Variants in FBXL20 observed in about 807,000 individuals in gnomAD.
FBXL20 encodes F-box and leucine rich repeat protein 20.
Under a neutral mutation model 64.0 loss-of-function variants are expected in FBXL20, and 11 were observed. That is an observed-to-expected ratio of 0.17 (90% CI 0.11 to 0.28). The LOEUF (loss-of-function observed/expected upper bound fraction) is 0.28, where lower values mean the gene tolerates loss of function less well. Ranked by LOEUF, FBXL20 falls within the 10% of genes least tolerant of loss-of-function variation. The pLI is 1.00. For missense variants in FBXL20, 303 were observed against 526.2 expected, an observed-to-expected ratio of 0.58 and a Z score of 4.15; for synonymous variants, 184 against 189.0, an observed-to-expected ratio of 0.97 and a Z score of 0.22.
intron 6 of FBXL20, among the ~76,000 whole-genome samples, chr17:39,287,029 C>T (rs995367904): frequency 1.6e-4 from 24 of 149,432 alleles, no homozygotes; most frequent in African/African-American, 5.9e-4. Flanking sequence ...TCTCTTGCCT[C>T]AGCCACCCAA....
intron 1 of FBXL20, among the ~76,000 whole-genome samples, chr17:39,367,278 A>G (rs1169002963): frequency 1.3e-5 from 2 of 149,354 alleles, no homozygotes; most frequent in Non-Finnish European, 3.0e-5. Context: ...TAGAATTCCT[A>G]TTAGTCAAAC....
chr17:39,349,086 T>A (rs532905030), intron 1 of FBXL20, among the ~76,000 whole-genome samples: 38 of 151,918 alleles, frequency 2.5e-4, no homozygotes, highest in African/African-American at 8.9e-4. Context: ...ACCCCGTCTC[T>A]ACTAAAAATA....
intron 1 of FBXL20, among the ~76,000 whole-genome samples, chr17:39,380,180 T>G (rs1183960690): frequency 6.6e-6 from 1 of 152,188 alleles, no homozygotes; most frequent in Non-Finnish European, 1.5e-5. Flanking sequence ...CAATATGAGT[T>G]ATATCACGTT....
intron 9 of FBXL20, among the ~76,000 whole-genome samples, chr17:39,281,029 G>A (rs1318654668): frequency 6.6e-6 from 1 of 152,202 alleles, no homozygotes; most frequent in Non-Finnish European, 1.5e-5. Context: ...CTCCCAAAGT[G>A]CTGGGATTAC....
At chr17:39,400,092 TAA>T (rs2048226824) in intron 1 of FBXL20, among the ~76,000 whole-genome samples, 1 of 152,258 alleles carries the variant, frequency 6.6e-6, no homozygotes, top group African/African-American at 2.4e-5. Flanking sequence ...AAACACCAAA[TAA>T]TATATTCCAT....
At chr17:39,318,169 A>C (rs899855779) in intron 2 of FBXL20, among the ~76,000 whole-genome samples, 1 of 152,204 alleles carries the variant, frequency 6.6e-6, no homozygotes, top group African/African-American at 2.4e-5. Flanking sequence ...CAGGAGTTTC[A>C]TTATACCATG....
At position 39,253,822 on chromosome 17, in the gene FBXL20, T is replaced by A. The variant is rs1018095503; in HGVS notation, c.*7638A>T. 1 of 152,128 alleles carries A rather than the reference T, an allele frequency of 6.6e-6. No homozygotes were observed. The highest frequency in any genetic ancestry group is 1.5e-5 in the Non-Finnish European group (1 of 68,016). The allele number at this position is 152,128 out of a possible 1,614,324, so 9.4% of individuals were successfully genotyped here. On this transcript the variant is annotated 3_prime_UTR_variant, in exon 15 of 15. Transcript: ENST00000264658. ...AAATCTATTATATAGGAAAGAAAAT[T>A]ATTTGTCCACAGGGGAAAAAAGTAA... is the stretch of plus-strand genomic sequence containing the variant.
At chr17:39,367,319 CTTTTTT>C (rs572558102) in intron 1 of FBXL20, among the ~76,000 whole-genome samples, 1 of 138,818 alleles carries the variant, frequency 7.2e-6, no homozygotes, top group African/African-American at 2.6e-5. Context: ...TTTTTCTTTT[CTTTTTT>C]TTTTTTTTGG....
intron 4 of FBXL20, 98 bp from the exon 5 acceptor site, chr17:39,299,182 G>T: frequency 1.2e-6 from 1 of 858,068 alleles, no homozygotes; most frequent in African/African-American, 1.7e-5. Flanking sequence ...AAGAGAAAAT[G>T]CTTCTATTAT....
chr17:39,354,983 G>A (rs1223864973), intron 1 of FBXL20, among the ~76,000 whole-genome samples: 3 of 152,190 alleles, frequency 2.0e-5, no homozygotes, highest in Non-Finnish European at 2.9e-5. Context: ...CCAGGCTAGA[G>A]TGCAATGGCA....
At chr17:39,371,917 A>T (rs2047921987) in intron 1 of FBXL20, among the ~76,000 whole-genome samples, 1 of 152,116 alleles carries the variant, frequency 6.6e-6, no homozygotes, top group African/African-American at 2.4e-5. Context: ...TCTTCCCATT[A>T]TAGACTTCTG....
rs1045491135 is a variant in FBXL20, at chr17:39,268,683, A to G, written c.933+144T>C. 1.1e-4 allele frequency: 73 copies of G among 645,456 alleles called. No homozygotes were observed. In the African/African-American group the frequency reaches 1.3e-3, roughly 11 times the overall value. The allele number at this position is 645,456 out of a possible 1,614,324, so 40.0% of individuals were successfully genotyped here. A position where few individuals can be genotyped will look rare whatever the true frequency, so the allele number is the denominator to read the frequency against. ...ACATACCATGAGCACCTCTGCCTGGAAGATACCTTACTTAATGGGGAATCT... is the reference window on the plus strand; with the variant it reads ...ACATACCATGAGCACCTCTGCCTGGGAGATACCTTACTTAATGGGGAATCT... On this transcript the variant is annotated intron_variant, in intron 12 of 14. Coordinates refer to ENST00000264658, the MANE Select transcript of FBXL20 (RefSeq NM_032875.3).
intron 2 of FBXL20, among the ~76,000 whole-genome samples, chr17:39,331,987 A>G (rs117565831): frequency 1.3e-5 from 2 of 152,374 alleles, no homozygotes; most frequent in East Asian, 3.9e-4. Context: ...CCAATGTAAC[A>G]ATACATGCCT....
intron 1 of FBXL20, among the ~76,000 whole-genome samples, chr17:39,392,581 C>T (rs1011405308): frequency 6.6e-6 from 1 of 152,120 alleles, no homozygotes; most frequent in African/African-American, 2.4e-5. Context: ...CACTTAAGAA[C>T]CTACCCTAAT....
chr17:39,351,907 CTGT>C (rs1567892355), intron 1 of FBXL20, among the ~76,000 whole-genome samples: 1 of 152,130 alleles, frequency 6.6e-6, no homozygotes, highest in Non-Finnish European at 1.5e-5. Context: ...CAATAATATA[CTGT>C]TGGTTTGTAT....
At chr17:39,373,988 G>A (rs752659972) in intron 1 of FBXL20, among the ~76,000 whole-genome samples, 3 of 151,384 alleles carry the variant, frequency 2.0e-5, no homozygotes, top group Non-Finnish European at 4.4e-5. Context: ...TTGGGAGGCC[G>A]AGGAAGGTGG....
intron 5 of FBXL20, among the ~76,000 whole-genome samples, chr17:39,297,972 AG>A (rs2047101630): frequency 6.6e-6 from 1 of 152,156 alleles, no homozygotes; most frequent in African/African-American, 2.4e-5. Context: ...CCTGACCTCA[AG>A]TGATCCACCC....
At chr17:39,363,810 C>CAAAAAAAAAAAACAAAAAAAAAAAAAA (rs1567896910) in intron 1 of FBXL20, among the ~76,000 whole-genome samples, 1 of 26,676 alleles carries the variant, frequency 3.7e-5, no homozygotes, top group African/African-American at 2.4e-4. Flanking sequence ...GACTTTATCT[C>CAAAAAAAAAAAACAAAAAAAAAAAAAA]AAAAAAAAAA....
chr17:39,342,447 G>A (rs1023905681), intron 2 of FBXL20, among the ~76,000 whole-genome samples: 1 of 151,904 alleles, frequency 6.6e-6, no homozygotes, highest in South Asian at 2.1e-4. Context: ...TGGGCACCGT[G>A]GCTCACGCCT....
Sources: gnomAD v4.1 joint callset for allele counts (sites outside exome capture counted in the v4.1 genomes callset) on GRCh38, gnomAD v4.1.1 for gene constraint, MANE v1.5 for transcripts, NCBI Gene and HGNC (gene_info 2026-07-23, HGNC 2026-07-21) for gene names.